The following GKAP1 variants were observed in gnomAD, a reference collection of about 807,000 sequenced individuals.
GKAP1 encodes G kinase-anchoring protein 1.
Under a neutral mutation model 56.7 loss-of-function variants are expected in GKAP1, and 31 were observed. That is an observed-to-expected ratio of 0.55 (90% CI 0.41 to 0.74). The LOEUF (loss-of-function observed/expected upper bound fraction) is 0.74, where lower values mean the gene tolerates loss of function less well. GKAP1 is among the 30% of genes least tolerant of loss of function. GKAP1 has a pLI of 0.00. For missense variants in GKAP1, 364 were observed against 402.3 expected (o/e 0.90, Z 0.82); for synonymous variants, 151 against 138.6 (o/e 1.09, Z -0.63).
chr9:83,773,683 T>C (rs1943802219), intron 7 of GKAP1, among the ~76,000 whole-genome samples: 1 of 152,164 alleles, frequency 6.6e-6, no homozygotes, highest in South Asian at 2.1e-4. Flanking sequence ...CATTTCCATG[T>C]TTTTGTTGTT....
At chr9:83,793,304 AACT>A (rs2131304641) in intron 4 of GKAP1, among the ~76,000 whole-genome samples, 1 of 152,338 alleles carries the variant, frequency 6.6e-6, no homozygotes, top group Non-Finnish European at 1.5e-5. Flanking sequence ...ACTTGCAGCC[AACT>A]GATTGGACTT....
intron 4 of GKAP1, among the ~76,000 whole-genome samples, chr9:83,798,383 T>C (rs1259866286): frequency 6.6e-6 from 1 of 152,238 alleles, no homozygotes; most frequent in African/African-American, 2.4e-5. Context: ...TAATGAGTTA[T>C]CTATTTTATT....
intron 7 of GKAP1, among the ~76,000 whole-genome samples, chr9:83,769,629 T>TA (rs1943723558): frequency 1.3e-5 from 2 of 152,230 alleles, no homozygotes; most frequent in Non-Finnish European, 2.9e-5. Context: ...TGTTGGTTGA[T>TA]AGACATTTGG....
chr9:83,815,893 A>C (rs1379509280), intron 2 of GKAP1, among the ~76,000 whole-genome samples: 1 of 152,120 alleles, frequency 6.6e-6, no homozygotes, highest in African/African-American at 2.4e-5. Context: ...CTTCTTAAAA[A>C]TTAGGGTTCA....
chr9:83,805,473 A>T (rs1414791105), intron 3 of GKAP1, among the ~76,000 whole-genome samples: 1 of 50,018 alleles, frequency 2.0e-5, no homozygotes, highest in Non-Finnish European at 4.1e-5. Context: ...TAAAAAAAAT[A>T]AAAAATAAAA....
intron 8 of GKAP1, among the ~76,000 whole-genome samples, chr9:83,757,893 C>A (rs1431576047): frequency 6.6e-6 from 1 of 150,418 alleles, no homozygotes; most frequent in Non-Finnish European, 1.5e-5. Context: ...ATGAGGAAAC[C>A]AAAAACTGAA....
intron 2 of GKAP1, among the ~76,000 whole-genome samples, chr9:83,809,872 A>C (rs531277957): frequency 6.6e-6 from 1 of 152,354 alleles, no homozygotes; most frequent in East Asian, 1.9e-4. Flanking sequence ...CAGTAACATG[A>C]TTATGGCTCA....
chr9:83,779,009 G>A (rs1025418190), intron 7 of GKAP1, among the ~76,000 whole-genome samples: 6 of 151,950 alleles, frequency 3.9e-5, no homozygotes, highest in African/African-American at 1.4e-4. Context: ...AATCAGGAAA[G>A]AAGAAAACGC....
chr9:83,816,781 A>G (rs1944609192), intron 2 of GKAP1, among the ~76,000 whole-genome samples: 1 of 152,212 alleles, frequency 6.6e-6, no homozygotes, highest in African/African-American at 2.4e-5. Flanking sequence ...TGGCGAAGGT[A>G]AAGAGTGAAA....
chr9:83,769,648 T>C (rs899432363), intron 7 of GKAP1, among the ~76,000 whole-genome samples: 1 of 152,242 alleles, frequency 6.6e-6, no homozygotes, highest in African/African-American at 2.4e-5. Context: ...GGGTTGTTGC[T>C]ACTTTTTGGC....
intron 3 of GKAP1, among the ~76,000 whole-genome samples, chr9:83,802,512 T>A (rs900292528): frequency 1.4e-5 from 2 of 147,960 alleles, no homozygotes; most frequent in African/African-American, 5.0e-5. Flanking sequence ...GACCATCGAA[T>A]GCATAAAAAT....
At chr9:83,812,839 A>G (rs914017972) in intron 2 of GKAP1, among the ~76,000 whole-genome samples, 6 of 152,324 alleles carry the variant, frequency 3.9e-5, no homozygotes, top group Admixed American at 6.5e-5. Flanking sequence ...CATCAGTGAC[A>G]GACAAGTCAA....
At chr9:83,754,829 A>C (rs1943447999) in intron 8 of GKAP1, among the ~76,000 whole-genome samples, 1 of 152,186 alleles carries the variant, frequency 6.6e-6, no homozygotes, top group South Asian at 2.1e-4. Context: ...ACTGTGTGAG[A>C]CTTATGTTTG....
At chr9:83,781,484 C>T (rs1055971722) in intron 6 of GKAP1, among the ~76,000 whole-genome samples, 1 of 152,296 alleles carries the variant, frequency 6.6e-6, no homozygotes, top group Non-Finnish European at 1.5e-5. Context: ...AAAAATATAA[C>T]TTTCTTATGA....
intron 6 of GKAP1, among the ~76,000 whole-genome samples, chr9:83,783,268 C>T (rs983100144): frequency 3.3e-5 from 5 of 152,066 alleles, no homozygotes; most frequent in Non-Finnish European, 7.4e-5. Flanking sequence ...GCTGTTCATA[C>T]GGTGAGCAAC....
At chr9:83,755,556 AAT>A (rs1240740196) in intron 8 of GKAP1, among the ~76,000 whole-genome samples, 2 of 152,074 alleles carry the variant, frequency 1.3e-5, no homozygotes, top group Non-Finnish European at 2.9e-5. Context: ...AATCTTGATG[AAT>A]ATGATTATTA....
At chr9:83,748,498 AGGATGGAGGAAAAT>A in intron 9 of GKAP1, 126 bp from the exon 10 acceptor site, 1 of 536,654 alleles carries the variant, frequency 1.9e-6, no homozygotes, top group Non-Finnish European at 3.3e-6. Flanking sequence ...AGAAACAAAC[AGGATGGAGGAAAAT>A]GTATTCGGAA....
At chr9:83,785,163 G>C (rs1416198361) in intron 5 of GKAP1, among the ~76,000 whole-genome samples, 3 of 151,764 alleles carry the variant, frequency 2.0e-5, no homozygotes, top group African/African-American at 4.8e-5. Flanking sequence ...GGCTTCTGCT[G>C]GTCTCTGATA....
intron 2 of GKAP1, among the ~76,000 whole-genome samples, chr9:83,815,137 A>G (rs574620768): frequency 1.3e-5 from 2 of 152,322 alleles, no homozygotes; most frequent in South Asian, 4.1e-4. Context: ...GCGCCACCAC[A>G]TTCCAGCCTG....
Sources: allele counts gnomAD v4.1 joint callset (sites outside exome capture counted in the v4.1 genomes callset), GRCh38; gene constraint gnomAD v4.1.1; transcripts MANE v1.5; gene names NCBI Gene and HGNC (gene_info 2026-07-23, HGNC 2026-07-21).